Variants in SIN3B observed in about 807,000 individuals in gnomAD.
The protein encoded by SIN3B is SIN3 transcription regulator family member B, also known as paired amphipathic helix protein Sin3b.
In SIN3B, 19 loss-of-function variants were observed where a neutral mutation model predicts 120.2. That is an observed-to-expected ratio of 0.16 (90% CI 0.11 to 0.23). The LOEUF is 0.23. SIN3B is among the 10% of genes least tolerant of loss of function. The pLI is 1.00. For missense variants in SIN3B, 1,073 were observed against 1,573.0 expected (o/e 0.68, Z 5.38); for synonymous variants, 654 against 653.2 (o/e 1.00, Z -0.02).
Position 16,871,250 on chromosome 19 carries a change from AC to A in SIN3B, c.2445del (p.Tyr816ThrfsTer54). On this transcript the variant is annotated frameshift_variant, in exon 14 of 19. Transcript: ENST00000248054. LOFTEE classifies it high-confidence loss of function. ...KQPSEVELEE[Y>X]YPAFLDMVRS... The stretch of plus-strand genomic sequence containing the variant: ...GCAGGTGAAGTGGAGCTGGAGGAGT[AC>A]TACCCGGCCTTCCTGGACATGGTGC... 1 of 1,614,218 alleles carries A rather than the reference AC, an allele frequency of 6.2e-7. No homozygotes were observed. The highest frequency in any genetic ancestry group is 8.5e-7 in the Non-Finnish European group (1 of 1,180,028).
intron 4 of SIN3B, among the ~76,000 whole-genome samples, chr19:16,846,046 T>C (rs1971474633): frequency 6.6e-6 from 1 of 152,190 alleles, no homozygotes; most frequent in African/African-American, 2.4e-5. Flanking sequence ...GTGCTGGGAT[T>C]ACAGGCATGA....
Position 16,876,007 on chromosome 19 carries a change from C to T in SIN3B, c.2593-48C>T, listed in dbSNP as rs2051599763. The T allele has an allele frequency of 2.0e-6, 3 of 1,515,116 alleles. No homozygotes were observed. The African/African-American group carries it at 4.1e-5, about 21-fold the overall frequency. The allele number at this position is 1,515,116 out of a possible 1,614,324, so 93.9% of individuals were successfully genotyped here. Reference sequence around the variant, plus strand: ...ACTTCCTCTGTGGGTGAGGTGGGGACTCCCGCAGGAGGCGGGGTGGCCGCA... The same window carrying T: ...ACTTCCTCTGTGGGTGAGGTGGGGATTCCCGCAGGAGGCGGGGTGGCCGCA... On this transcript the variant is annotated intron_variant, in intron 14 of 18. Coordinates refer to ENST00000248054, the MANE Select transcript of SIN3B (RefSeq NM_001297595.2). The surrounding 1 kb of genome is among the most constrained non-coding windows in gnomAD (Gnocchi z 7.1).
intron 8 of SIN3B, chr19:16,854,974 G>A (rs1337243071): frequency 1.3e-5 from 2 of 152,194 alleles, no homozygotes; most frequent in African/African-American, 2.4e-5. Flanking sequence ...CGTCATTCTT[G>A]TTTATGTGTC....
intron 10 of SIN3B, among the ~76,000 whole-genome samples, chr19:16,864,369 C>T (rs1449573613): frequency 6.6e-6 from 1 of 151,856 alleles, no homozygotes; most frequent in Non-Finnish European, 1.5e-5. Flanking sequence ...GCTCTGTTTC[C>T]CAGGCTGGAA....
At chr19:16,853,920 T>C (rs1287329322) in intron 7 of SIN3B, among the ~76,000 whole-genome samples, 2 of 150,692 alleles carry the variant, frequency 1.3e-5, no homozygotes, top group African/African-American at 2.5e-5. Context: ...GCTACACAGA[T>C]TATGTGCACG....
Position 16,842,079 on chromosome 19 carries a change from T to C in SIN3B, c.582+111T>C, listed in dbSNP as rs143531993. 99 of 985,160 alleles carry C rather than the reference T, an allele frequency of 1.0e-4. No homozygotes were observed. The African/African-American group carries it at 1.5e-3, about 15-fold the overall frequency. 61.0% of individuals were successfully genotyped at this position (985,160 alleles called of 1,614,324 possible). A position where few individuals can be genotyped will look rare whatever the true frequency, so the allele number is the denominator to read the frequency against. ...TTCATAAAATCCTGTAAAATTCTAATTAGTTGTGGGGTTTTTTGTTTGTTT... is the reference window on the plus strand; with the variant it reads ...TTCATAAAATCCTGTAAAATTCTAACTAGTTGTGGGGTTTTTTGTTTGTTT... On this transcript the variant is annotated intron_variant, in intron 4 of 18. Transcript: ENST00000248054.
At chr19:16,839,474 G>A (rs1209761664) in intron 3 of SIN3B, among the ~76,000 whole-genome samples, 2 of 152,158 alleles carry the variant, frequency 1.3e-5, no homozygotes, top group African/African-American at 4.8e-5. Context: ...TTTTGTCGCA[G>A]TGGCACACTT....
rs552433070 is a variant in SIN3B, at chr19:16,842,179, C to CT, written c.582+212dup. Among the ~76,000 whole-genome samples the CT allele has an allele frequency of 1.9e-4, 29 of 152,252 alleles. No individual in the cohort carries two copies. The South Asian group carries it at 6.0e-3, about 32-fold the overall frequency. On this transcript the variant is annotated intron_variant, in intron 4 of 18. Coordinates refer to ENST00000248054, the MANE Select transcript of SIN3B (RefSeq NM_001297595.2). ...CTCGGCTCATTGCAACCTCCACCTC[C>CT]TGGGCTCAAGCCATCCTCCAACTTC...
At chr19:16,853,018 A>G in intron 6 of SIN3B, 51 bp from the exon 7 acceptor site, 6 of 1,444,294 alleles carry the variant, frequency 4.2e-6, no homozygotes, top group Non-Finnish European at 5.8e-6. Context: ...CGATGGACAG[A>G]GGCCACCGGT....
chr19:16,834,186 C>T (rs1017549575), intron 3 of SIN3B, among the ~76,000 whole-genome samples: 4 of 152,120 alleles, frequency 2.6e-5, no homozygotes, highest in African/African-American at 4.8e-5. Flanking sequence ...GTCACGACTG[C>T]GGGAGAAAGC....
In SIN3B at chr19:16,878,766, AC is replaced by A. The variant is rs1245314318; in HGVS notation, c.*40del. ...GCACCGGGCAGGCGCCTCACAGAGC[AC>A]AGACGTGCCCTCGGCCTTGGTCGTG... On this transcript the variant is annotated 3_prime_UTR_variant, in exon 19 of 19. Transcript: ENST00000248054. The A allele has an allele frequency of 6.5e-7, 1 of 1,530,158 alleles. No individual in the cohort carries two copies. Among genetic ancestry groups the A allele is most frequent in the Admixed American group, 1.9e-5 (1 of 52,304 alleles). 94.8% of individuals were successfully genotyped at this position (1,530,158 alleles called of 1,614,324 possible).
In SIN3B at chr19:16,831,568, A is replaced by G. The variant is rs1458357130; in HGVS notation, c.302A>G (p.Asn101Ser). 3 of 1,613,902 alleles carry G rather than the reference A, an allele frequency of 1.9e-6. No individual in the cohort carries two copies. The highest frequency in any genetic ancestry group is 1.3e-5 in the African/African-American group (1 of 74,910). ...CACCCTGACCTCATTGTTGGATTCA[A>G]CGCTTTTCTTCCCCTCGGATATAGA... ...HEHPDLIVGF[N>S]AFLPLGYRID... The change falls in exon 3 of 19, where the codon AAC becomes AGC. Residue 101 changes from asparagine to serine, a missense_variant. Asn to Ser is a conservative substitution (Grantham distance 46). Around this residue, in one of 7 missense-constraint regions of SIN3B, gnomAD observed 395 missense variants for 528.0 expected, o/e 0.75. Transcript: ENST00000248054.
intron 16 of SIN3B, 111 bp from the exon 17 acceptor site, chr19:16,877,433 TG>T: frequency 1.4e-6 from 1 of 738,760 alleles, no homozygotes; most frequent in Non-Finnish European, 2.3e-6. Flanking sequence ...CCTCATGCTC[TG>T]GCAGTGGGGG....
Position 16,845,273 on chromosome 19 carries a change from ATTGT to A in SIN3B, c.583-1682_583-1679del, listed in dbSNP as rs568433673. Among the ~76,000 whole-genome samples, 36 of 151,770 alleles carry A rather than the reference ATTGT, an allele frequency of 2.4e-4. No homozygotes were observed. The South Asian group carries it at 3.8e-3, about 16-fold the overall frequency. On this transcript the variant is annotated intron_variant, in intron 4 of 18. Transcript: ENST00000248054. Reference sequence around the variant, plus strand: ...TTTGTCTTTCTGCCTTCCGTGTTTGATTGTTTGTTTGTTTGTTTTTTGAGACGGA... The same window carrying A: ...TTTGTCTTTCTGCCTTCCGTGTTTGATTGTTTGTTTGTTTTTTGAGACGGA...
rs760523464 is a variant in SIN3B at position 16,869,558 on chromosome 19, G to A, written c.1905G>A (p.Ala635=). The A allele has an allele frequency of 1.9e-5, 30 of 1,613,724 alleles. No individual in the cohort carries two copies. Among genetic ancestry groups the A allele is most frequent in the African/African-American group, 4.0e-5 (3 of 74,946 alleles). ...EDRQILEDAA[A]LISYYVKRQP... is the part of the protein sequence containing the mutation. Reference sequence around the variant, plus strand: ...GGCAGATCCTGGAGGACGCAGCAGCGCTCATCAGCTACTACGTGAAGCGGC... The same window carrying A: ...GGCAGATCCTGGAGGACGCAGCAGCACTCATCAGCTACTACGTGAAGCGGC... Residue 635 remains alanine, a synonymous_variant, in exon 13 of 19, where the codon GCG becomes GCA. Coordinates refer to ENST00000248054, the MANE Select transcript of SIN3B (RefSeq NM_001297595.2).
At chr19:16,835,756 G>A in intron 3 of SIN3B, among the ~76,000 whole-genome samples, 1 of 151,900 alleles carries the variant, frequency 6.6e-6, no homozygotes, top group Non-Finnish European at 1.5e-5. Context: ...CTGACCTCAA[G>A]TGATCCCCCA....
chr19:16,829,844 C>A lies in SIN3B; in HGVS notation c.174C>A (p.Asp58Glu), dbSNP rs776713378. Reference sequence around the variant, plus strand: ...AGGTGAAGATCCGCTTTGGCAGCGACCCTGCCACCTACAACGGCTTCCTGG... The same window carrying A: ...AGGTGAAGATCCGCTTTGGCAGCGAACCTGCCACCTACAACGGCTTCCTGG... The part of the protein sequence containing the change: ...LDQVKIRFGS[D>E]PATYNGFLEI... Residue 58 changes from aspartate (D) to glutamate (E), a missense_variant, in exon 2 of 19, where the codon GAC becomes GAA. Transcript: ENST00000248054. The A allele has an allele frequency of 5.6e-6, 9 of 1,613,716 alleles. No individual in the cohort carries two copies. The highest frequency in any genetic ancestry group is 7.6e-6 in the Non-Finnish European group (9 of 1,179,792).
At chr19:16,830,706 C>A (rs547764229) in intron 2 of SIN3B, among the ~76,000 whole-genome samples, 1 of 152,184 alleles carries the variant, frequency 6.6e-6, no homozygotes, top group Non-Finnish European at 1.5e-5. Flanking sequence ...GAAGGGAGAC[C>A]CCATCTCTCC....
chr19:16,848,803 C>T (rs972386702), intron 5 of SIN3B, among the ~76,000 whole-genome samples: 5 of 152,054 alleles, frequency 3.3e-5, no homozygotes, highest in Admixed American at 1.3e-4. Flanking sequence ...GCCCGGCCTA[C>T]TTTTATTTTT....
Sources: gnomAD v4.1 joint callset for allele counts (sites outside exome capture counted in the v4.1 genomes callset) on GRCh38, gnomAD v4.1.1 for gene constraint, gnomAD v4.1.1 regional missense constraint, Gnocchi (gnomAD v3.1) non-coding constraint, MANE v1.5 for transcripts, NCBI Gene and HGNC (gene_info 2026-07-23, HGNC 2026-07-21) for gene names.